Variants in KLF12 observed in about 807,000 individuals in gnomAD.
The protein encoded by KLF12 is KLF transcription factor 12, also known as Krueppel-like factor 12.
Under a neutral mutation model 37.8 loss-of-function variants are expected in KLF12, and 9 were observed. The observed-to-expected ratio is 0.24, with a 90% CI of 0.14 to 0.42. The LOEUF (loss-of-function observed/expected upper bound fraction) is 0.42, where lower values mean the gene tolerates loss of function less well. Among genes scored for constraint, KLF12 ranks in the 10% least tolerant of loss-of-function variants. The pLI, the probability that KLF12 is intolerant of heterozygous loss-of-function variation, is 1.00. For missense variants in KLF12, 411 were observed against 516.0 expected (o/e 0.80, Z 1.97); for synonymous variants, 208 against 202.1 (o/e 1.03, Z -0.25).
At chr13:73,925,381 G>A (rs1379749920) in intron 3 of KLF12, among the ~76,000 whole-genome samples, 1 of 152,128 alleles carries the variant, frequency 6.6e-6, no homozygotes, top group Non-Finnish European at 1.5e-5. Flanking sequence ...TAAATCTACT[G>A]TCTGCTCTAG....
intron 5 of KLF12, among the ~76,000 whole-genome samples, chr13:73,773,490 T>C (rs1407953601): frequency 6.6e-6 from 1 of 152,188 alleles, no homozygotes; most frequent in Non-Finnish European, 1.5e-5. Context: ...TCAATTCTGT[T>C]AAACAACCCA....
At chr13:73,978,256 A>C (rs1464621784) in intron 2 of KLF12, among the ~76,000 whole-genome samples, 1 of 152,238 alleles carries the variant, frequency 6.6e-6, no homozygotes, top group Non-Finnish European at 1.5e-5. Flanking sequence ...TATGCAAAGA[A>C]CGCAAAGTTC....
chr13:74,265,719 C>G, the KLF12 span, among the ~76,000 whole-genome samples: 1 of 152,136 alleles, frequency 6.6e-6, no homozygotes, highest in East Asian at 1.9e-4. Context: ...CCCTTCATTT[C>G]CTGTGTGTTC....
At chr13:73,822,085 T>A (rs1205181094) in intron 4 of KLF12, among the ~76,000 whole-genome samples, 1 of 152,214 alleles carries the variant, frequency 6.6e-6, no homozygotes, top group Non-Finnish European at 1.5e-5. Context: ...AGATCTCTAC[T>A]GAAAATGATC....
chr13:73,960,746 T>G (rs764421210), intron 2 of KLF12, among the ~76,000 whole-genome samples: 1 of 152,210 alleles, frequency 6.6e-6, no homozygotes, highest in African/African-American at 2.4e-5. Context: ...CAGCTTGAAC[T>G]GCACTATCAA....
intron 1 of KLF12, among the ~76,000 whole-genome samples, chr13:74,009,609 C>T (rs776381983): frequency 1.3e-5 from 2 of 152,138 alleles, no homozygotes; most frequent in South Asian, 2.1e-4. Flanking sequence ...AGGAGAGAAA[C>T]GTGGTAATTT....
At chr13:74,097,987 A>C (rs1236012618) in intron 1 of KLF12, among the ~76,000 whole-genome samples, 2 of 152,298 alleles carry the variant, frequency 1.3e-5, no homozygotes, top group East Asian at 3.8e-4. Flanking sequence ...AAAAATGGCA[A>C]CAACCAACTG....
At chr13:73,937,840 C>G (rs1168811001) in intron 3 of KLF12, among the ~76,000 whole-genome samples, 1 of 152,068 alleles carries the variant, frequency 6.6e-6, no homozygotes, top group African/African-American at 2.4e-5. Flanking sequence ...CAGTCTAACT[C>G]TGCATCTTTA....
intron 3 of KLF12, among the ~76,000 whole-genome samples, chr13:73,873,573 T>C (rs1286198781): frequency 6.6e-6 from 1 of 152,164 alleles, no homozygotes; most frequent in Admixed American, 6.6e-5. Flanking sequence ...AAAACCCAAT[T>C]TTATTATTCT....
chr13:73,790,234 C>G (rs916536181), intron 5 of KLF12, among the ~76,000 whole-genome samples: 1 of 152,190 alleles, frequency 6.6e-6, no homozygotes, highest in East Asian at 1.9e-4. Flanking sequence ...ATGTCTATGT[C>G]TGACTTTTAT....
At chr13:73,826,431 G>A (rs781688674) in intron 4 of KLF12, among the ~76,000 whole-genome samples, 29 of 152,060 alleles carry the variant, frequency 1.9e-4, no homozygotes, top group Middle Eastern at 3.4e-3. Context: ...TCATTAACTC[G>A]CTTATAAACT....
intron 2 of KLF12, among the ~76,000 whole-genome samples, chr13:73,963,272 G>C (rs1476357112): frequency 7.3e-6 from 1 of 137,130 alleles, no homozygotes; most frequent in East Asian, 2.1e-4. Context: ...TAAAGTATAA[G>C]AGAGTCATTT....
At position 73,846,307 on chromosome 13, in the gene KLF12, C is replaced by T. The variant is rs1173461029; in HGVS notation, c.190G>A (p.Glu64Lys). 2.5e-6 allele frequency: 4 copies of T among 1,613,880 alleles called. No individual in the cohort carries two copies. The highest frequency in any genetic ancestry group is 2.7e-5 in the African/African-American group (2 of 74,896). Residue 64 changes from glutamate (E) to lysine (K), a missense_variant, in exon 4 of 8, where the codon GAG becomes AAG. Physicochemically the swap from Glu to Lys is moderately conservative, Grantham distance 56. Around this residue, in one of 2 missense-constraint regions of KLF12, gnomAD observed 351 missense variants for 397.8 expected, o/e 0.88. Coordinates refer to ENST00000377669, the MANE Select transcript of KLF12 (RefSeq NM_007249.5). ...ACAGATAACGAGTCCTCCGGGGGCT[C>T]CCCTTTCACATTATTTAGCAACAGG... is the stretch of plus-strand genomic sequence containing the variant.
intron 3 of KLF12, among the ~76,000 whole-genome samples, chr13:73,888,483 T>G (rs546570372): frequency 3.3e-5 from 5 of 152,208 alleles, no homozygotes; most frequent in African/African-American, 7.2e-5. Flanking sequence ...ACTTGTAGCA[T>G]GTATAATTCT....
chr13:73,790,142 A>T (rs1211266736), intron 5 of KLF12, among the ~76,000 whole-genome samples: 3 of 152,226 alleles, frequency 2.0e-5, no homozygotes, highest in Non-Finnish European at 4.4e-5. Context: ...CTGTTCACAT[A>T]ACAGTACTTA....
chr13:73,952,401 T>C (rs998245886), intron 2 of KLF12, among the ~76,000 whole-genome samples: 3 of 152,020 alleles, frequency 2.0e-5, no homozygotes, highest in Non-Finnish European at 2.9e-5. Context: ...GCTACACACT[T>C]TCAAACAACC....
chr13:73,731,655 T>C (rs1877071516), intron 6 of KLF12, among the ~76,000 whole-genome samples: 2 of 152,140 alleles, frequency 1.3e-5, no homozygotes, highest in Non-Finnish European at 1.5e-5. Flanking sequence ...ACCTAGGTGA[T>C]TGCTTTTCTG....
chr13:73,819,528 A>C (rs967515036), intron 4 of KLF12, among the ~76,000 whole-genome samples: 5 of 152,084 alleles, frequency 3.3e-5, no homozygotes, highest in African/African-American at 1.2e-4. Flanking sequence ...GTATTTAGTC[A>C]ACAGATATTT....
intron 5 of KLF12, among the ~76,000 whole-genome samples, chr13:73,786,058 G>C (rs545822269): frequency 1.3e-5 from 2 of 151,876 alleles, no homozygotes; most frequent in South Asian, 4.2e-4. Flanking sequence ...CAGTGTTAGG[G>C]AGTTGCCCTG....
Sources: gnomAD v4.1 joint callset for allele counts (sites outside exome capture counted in the v4.1 genomes callset) on GRCh38, gnomAD v4.1.1 for gene constraint, gnomAD v4.1.1 regional missense constraint, MANE v1.5 for transcripts, NCBI Gene and HGNC (gene_info 2026-07-23, HGNC 2026-07-21) for gene names.